Variants in WDR72 observed in about 807,000 individuals in gnomAD.
WDR72 encodes WD repeat-containing protein 72.
Under a neutral mutation model 124.2 loss-of-function variants are expected in WDR72, and 120 were observed. That is an observed-to-expected ratio of 0.97 (90% confidence interval 0.83 to 1.12). WDR72 has a LOEUF of 1.12. WDR72 is among the 50% of genes most tolerant of loss of function. The pLI, the probability that WDR72 is intolerant of heterozygous loss-of-function variation, is 0.00. For synonymous variants in WDR72, 452 were observed against 441.7 expected (o/e 1.02, Z -0.29); for missense variants, 1,387 against 1,278.8 (o/e 1.08, Z -1.29).
intron 14 of WDR72, among the ~76,000 whole-genome samples, chr15:53,624,635 T>A (rs1232042955): frequency 6.6e-6 from 1 of 152,246 alleles, no homozygotes; most frequent in African/African-American, 2.4e-5. Flanking sequence ...ACTGAATATT[T>A]TACATTATTT....
chr15:53,706,350 GTATATATATATATATA>G (rs56246540), intron 9 of WDR72, among the ~76,000 whole-genome samples: 5 of 25,760 alleles, frequency 1.9e-4, no homozygotes, highest in East Asian at 1.5e-3. Flanking sequence ...GTGTGTGTGT[GTATATATATATATATA>G]TATATATATA....
At chr15:53,624,787 A>T (rs118117532) in intron 14 of WDR72, among the ~76,000 whole-genome samples, 2,085 of 152,338 alleles carry the variant, frequency 0.014, 41 homozygotes, top group East Asian at 0.078. Flanking sequence ...CCAGCTAGTC[A>T]TCACTGTTTG....
At chr15:53,702,411 C>A in intron 11 of WDR72, 57 bp from the exon 12 acceptor site, 1 of 1,405,232 alleles carries the variant, frequency 7.1e-7, no homozygotes, top group Non-Finnish European at 1.0e-6. Flanking sequence ...AGAAAATCGT[C>A]CCAAGATTCT....
rs372511714 is a variant in WDR72 at position 53,616,284 on chromosome 15, T to C, written c.1963-41A>G. ...ATATTTGTGTCAAAGTTCTTGCTTATTATTTTATTAAAGATTCCATGATGT... is the reference window on the plus strand; with the variant it reads ...ATATTTGTGTCAAAGTTCTTGCTTACTATTTTATTAAAGATTCCATGATGT... On this transcript the variant is annotated intron_variant, in intron 14 of 19. Transcript: ENST00000360509. The C allele has an allele frequency of 9.0e-5, 136 of 1,518,754 alleles. No individual in the cohort carries two copies. In the African/African-American group the frequency reaches 1.7e-3, roughly 19 times the overall value. 94.1% of individuals were successfully genotyped at this position (1,518,754 alleles called of 1,614,324 possible).
intron 18 of WDR72, among the ~76,000 whole-genome samples, chr15:53,556,983 T>A (rs919340547): frequency 2.6e-5 from 4 of 152,110 alleles, no homozygotes; most frequent in African/African-American, 9.7e-5. Flanking sequence ...AGAAAGGAGT[T>A]TCACTCTGAA....
intron 18 of WDR72, among the ~76,000 whole-genome samples, chr15:53,574,410 T>A (rs1229476704): frequency 6.6e-6 from 1 of 152,140 alleles, no homozygotes; most frequent in South Asian, 2.1e-4. Context: ...GACCTAGGTA[T>A]TGAGAAAATT....
chr15:53,743,657 T>A (rs1404038526), intron 1 of WDR72, among the ~76,000 whole-genome samples: 1 of 152,186 alleles, frequency 6.6e-6, no homozygotes, highest in African/African-American at 2.4e-5. Flanking sequence ...TTTAAAGTAC[T>A]AGTGATAGCT....
At chr15:53,549,981 C>G (rs1011693523) in intron 18 of WDR72, among the ~76,000 whole-genome samples, 5 of 152,058 alleles carry the variant, frequency 3.3e-5, no homozygotes, top group African/African-American at 4.8e-5. Flanking sequence ...CCTGAGTGAA[C>G]TTTTGGTGTC....
intron 14 of WDR72, among the ~76,000 whole-genome samples, chr15:53,655,145 C>T (rs1054821115): frequency 1.4e-4 from 20 of 138,054 alleles, no homozygotes; most frequent in African/African-American, 4.3e-4. Flanking sequence ...GCAGGAGAAT[C>T]GCTGGAACCT....
intron 13 of WDR72, among the ~76,000 whole-genome samples, chr15:53,681,880 GA>G (rs141855002): frequency 0.027 from 4,101 of 149,972 alleles, 99 homozygotes; most frequent in East Asian, 0.069. Context: ...TGTGTCACTT[GA>G]AAAAAAAAGT....
intron 18 of WDR72, among the ~76,000 whole-genome samples, chr15:53,540,146 G>C (rs901398957): frequency 6.6e-6 from 1 of 152,156 alleles, no homozygotes; most frequent in Non-Finnish European, 1.5e-5. Context: ...AGGCTAAAGA[G>C]AATGGAAACT....
At chr15:53,729,627 CT>C (rs1240730366) in intron 2 of WDR72, among the ~76,000 whole-genome samples, 19 of 152,108 alleles carry the variant, frequency 1.2e-4, no homozygotes, top group Non-Finnish European at 2.8e-4. Flanking sequence ...TACCAGTTCC[CT>C]TAAGGCAAAA....
At chr15:53,615,202 G>A (rs1336440182) in intron 15 of WDR72, among the ~76,000 whole-genome samples, 3 of 151,758 alleles carry the variant, frequency 2.0e-5, no homozygotes, top group African/African-American at 7.3e-5. Context: ...AATATTTGTT[G>A]AGTTAATGAA....
chr15:53,525,826 A>G (rs1296849172), intron 18 of WDR72, among the ~76,000 whole-genome samples: 1 of 152,096 alleles, frequency 6.6e-6, no homozygotes, highest in Non-Finnish European at 1.5e-5. Flanking sequence ...CAAATTTAAA[A>G]TGATACAAGA....
chr15:53,588,616 T>C (rs2078229830), intron 18 of WDR72, among the ~76,000 whole-genome samples: 1 of 151,898 alleles, frequency 6.6e-6, no homozygotes, highest in South Asian at 2.1e-4. Context: ...CTGGGACAAA[T>C]GGATAATTTT....
intron 19 of WDR72, among the ~76,000 whole-genome samples, chr15:53,521,699 T>C (rs1380461411): frequency 2.6e-5 from 4 of 152,076 alleles, no homozygotes; most frequent in African/African-American, 2.4e-5. Context: ...TGAAATGATA[T>C]AAAGCTGATC....
intron 1 of WDR72, among the ~76,000 whole-genome samples, chr15:53,742,997 C>A (rs2018548958): frequency 1.3e-5 from 2 of 152,120 alleles, no homozygotes; most frequent in Non-Finnish European, 2.9e-5. Flanking sequence ...TACACAAATT[C>A]TTGACTGCAG....
chr15:53,710,752 C>T, intron 9 of WDR72, 105 bp downstream of exon 9: 1 of 905,966 alleles, frequency 1.1e-6, no homozygotes, highest in South Asian at 1.4e-5. Context: ...TGATGGGATG[C>T]TTCAATTCAA....
chr15:53,577,779 T>C (rs1398917183), intron 18 of WDR72, among the ~76,000 whole-genome samples: 2 of 152,150 alleles, frequency 1.3e-5, no homozygotes, highest in Non-Finnish European at 2.9e-5. Flanking sequence ...TTCCCCTTTA[T>C]TTGTTTATTA....
Sources: gnomAD v4.1 joint callset for allele counts (sites outside exome capture counted in the v4.1 genomes callset) on GRCh38, gnomAD v4.1.1 for gene constraint, MANE v1.5 for transcripts, NCBI Gene and HGNC (gene_info 2026-07-23, HGNC 2026-07-21) for gene names.